The following PTPRO variants were observed in gnomAD, a reference collection of about 807,000 sequenced individuals.
PTPRO encodes the protein protein tyrosine phosphatase receptor type O, also known as receptor-type tyrosine-protein phosphatase O.
PTPRO carries 62 observed loss-of-function variants against 145.2 expected under a neutral mutation model. The observed-to-expected ratio is 0.43, with a 90% CI of 0.35 to 0.53. PTPRO has a LOEUF of 0.53. Ranked by LOEUF, PTPRO falls within the 20% of genes least tolerant of loss-of-function variation. The pLI, the probability that PTPRO is intolerant of heterozygous loss-of-function variation, is 0.01. For synonymous variants in PTPRO, 565 were observed against 514.7 expected, an observed-to-expected ratio of 1.10 and a Z score of -1.32; for missense variants, 1,345 against 1,482.7, an observed-to-expected ratio of 0.91 and a Z score of 1.53.
intron 1 of PTPRO, among the ~76,000 whole-genome samples, chr12:15,384,948 A>G (rs1047818560): frequency 6.6e-6 from 1 of 152,154 alleles, no homozygotes; most frequent in African/African-American, 2.4e-5. Context: ...AGATAAGAAA[A>G]CTGTAGTTAG....
chr12:15,395,627 A>C (rs1401157486), intron 1 of PTPRO, among the ~76,000 whole-genome samples: 3 of 152,104 alleles, frequency 2.0e-5, no homozygotes, highest in Non-Finnish European at 4.4e-5. Context: ...TGGTGGCTTA[A>C]TGTAGTAAAT....
At chr12:15,469,726 T>G (rs1014421971) in intron 1 of PTPRO, among the ~76,000 whole-genome samples, 2 of 127,376 alleles carry the variant, frequency 1.6e-5, no homozygotes, top group East Asian at 4.6e-4. Flanking sequence ...AAAGTCAGAA[T>G]AGCTGTTGAA....
At chr12:15,489,789 A>T (rs1472974625) in intron 2 of PTPRO, among the ~76,000 whole-genome samples, 1 of 152,178 alleles carries the variant, frequency 6.6e-6, no homozygotes, top group African/African-American at 2.4e-5. Context: ...TGAAAGAATT[A>T]TGTGAAAGAG....
rs751503557 is a variant in PTPRO, at chr12:15,501,672, C to A, written c.714C>A (p.Asn238Lys). 1.2e-6 allele frequency: 2 copies of A among 1,613,860 alleles called. No individual in the cohort carries two copies. Among genetic ancestry groups the A allele is most frequent in the African/African-American group, 2.7e-5 (2 of 74,898 alleles). Residue 238 changes from asparagine to lysine, a missense_variant, in exon 5 of 27, where the codon AAC becomes AAA. By Grantham distance (94) the Asn-to-Lys change is moderately conservative (BLOSUM62 0). Around this residue, in one of 3 missense-constraint regions of PTPRO, gnomAD observed 1,130 missense variants for 1,214.7 expected, o/e 0.93. Coordinates refer to ENST00000281171, the MANE Select transcript of PTPRO (RefSeq NM_030667.3). ...ISVRIVNLNK[N>K]NWEEQSGNFP... The stretch of plus-strand genomic sequence containing the variant: ...TTCGTATCGTAAACTTGAACAAAAA[C>A]AACTGGGAAGAACAGAGTGGCAATT...
intron 1 of PTPRO, among the ~76,000 whole-genome samples, chr12:15,423,058 T>C (rs912875085): frequency 2.6e-5 from 4 of 152,144 alleles, no homozygotes; most frequent in East Asian, 1.9e-4. Flanking sequence ...AAAGAGAAAA[T>C]ATTTTACATT....
chr12:15,503,979 A>G lies in PTPRO; in HGVS notation c.1177A>G (p.Lys393Glu). The G allele has an allele frequency of 6.2e-7, 1 of 1,605,870 alleles. No individual in the cohort carries two copies. The highest frequency in any genetic ancestry group is 8.5e-7 in the Non-Finnish European group (1 of 1,172,692). The change falls in exon 6 of 27, where the codon AAA becomes GAA. Residue 393 changes from lysine to glutamate, a missense_variant. Lys to Glu is a moderately conservative substitution (Grantham distance 56, BLOSUM62 1). Coordinates refer to ENST00000281171, the MANE Select transcript of PTPRO (RefSeq NM_030667.3). ...TGTTGCAGAACTGAAGGAACCTGGG[A>G]AATATAAGTTATCTGTGACAACCTT... is the stretch of plus-strand genomic sequence containing the variant. ...EFVAELKEPG[K>E]YKLSVTTFSS...
chr12:15,424,760 G>A (rs1210934425), intron 1 of PTPRO, among the ~76,000 whole-genome samples: 2 of 152,008 alleles, frequency 1.3e-5, no homozygotes, highest in African/African-American at 4.8e-5. Flanking sequence ...GCCATCTCAA[G>A]CAGAGGAGAC....
chr12:15,528,282 C>A (rs1358754682), intron 12 of PTPRO, among the ~76,000 whole-genome samples: 4 of 150,210 alleles, frequency 2.7e-5, no homozygotes, highest in South Asian at 2.1e-4. Context: ...TTTGGGAGGC[C>A]AAGGCGGGCA....
chr12:15,513,018 GAAGA>G (rs763064619), intron 7 of PTPRO, among the ~76,000 whole-genome samples: 5 of 143,722 alleles, frequency 3.5e-5, no homozygotes, highest in Admixed American at 7.1e-5. Flanking sequence ...AAAGAAAAGA[GAAGA>G]AAGAAAGAAA....
At chr12:15,361,994 A>G (rs893602636) in intron 1 of PTPRO, among the ~76,000 whole-genome samples, 1 of 152,168 alleles carries the variant, frequency 6.6e-6, no homozygotes, top group Non-Finnish European at 1.5e-5. Context: ...CTGTACATGA[A>G]CTACAGTGTC....
At chr12:15,472,701 T>C (rs956912255) in intron 1 of PTPRO, among the ~76,000 whole-genome samples, 7 of 152,192 alleles carry the variant, frequency 4.6e-5, no homozygotes, top group Admixed American at 3.9e-4. Flanking sequence ...TGGATGCAAA[T>C]CTTGGAAGTC....
At chr12:15,579,670 G>T (rs1033720272) in intron 20 of PTPRO, among the ~76,000 whole-genome samples, 9 of 152,180 alleles carry the variant, frequency 5.9e-5, no homozygotes, top group African/African-American at 2.2e-4. Context: ...TCTCCTTAAA[G>T]TAGTGAACTC....
At chr12:15,542,054 T>C (rs1406509905) in intron 12 of PTPRO, among the ~76,000 whole-genome samples, 2 of 152,096 alleles carry the variant, frequency 1.3e-5, no homozygotes, top group Non-Finnish European at 2.9e-5. Context: ...GGGTTAGGGT[T>C]TCAGCATATG....
chr12:15,533,040 C>G (rs984501673), intron 12 of PTPRO, among the ~76,000 whole-genome samples: 1 of 152,068 alleles, frequency 6.6e-6, no homozygotes, highest in Non-Finnish European at 1.5e-5. Context: ...ACATCATGGT[C>G]GAAGGTGCCT....
At chr12:15,513,222 AAAGAAAAG>A (rs1942503430) in intron 7 of PTPRO, among the ~76,000 whole-genome samples, 2 of 124,424 alleles carry the variant, frequency 1.6e-5, no homozygotes, top group Non-Finnish European at 3.3e-5. Flanking sequence ...AGAAAGAAAG[AAAGAAAAG>A]AAAGAAAGAG....
chr12:15,433,135 G>A (rs1190647698), intron 1 of PTPRO, among the ~76,000 whole-genome samples: 1 of 148,272 alleles, frequency 6.7e-6, no homozygotes, highest in African/African-American at 2.5e-5. Context: ...GGATGGTACT[G>A]CCTAGGTTGT....
chr12:15,458,996 C>A (rs1030241532), intron 1 of PTPRO, among the ~76,000 whole-genome samples: 15 of 152,102 alleles, frequency 9.9e-5, no homozygotes, highest in African/African-American at 2.9e-4. Flanking sequence ...CACCTATCAG[C>A]CTGACCAGAG....
chr12:15,466,911 G>T (rs1283692567), intron 1 of PTPRO, among the ~76,000 whole-genome samples: 1 of 152,110 alleles, frequency 6.6e-6, no homozygotes, highest in Non-Finnish European at 1.5e-5. Flanking sequence ...TGAAATGCAG[G>T]GAGTGTAGAA....
chr12:15,547,168 C>G lies in PTPRO; in HGVS notation c.2304+460C>G, dbSNP rs568065518. On this transcript the variant is annotated intron_variant, in intron 13 of 26. Coordinates refer to ENST00000281171, the MANE Select transcript of PTPRO (RefSeq NM_030667.3). ...AAAATATAAGTACCACAAGACAGGT[C>G]CATTCGACCAAGAGAATTTAAAAGA... is the stretch of plus-strand genomic sequence containing the variant. Among the ~76,000 whole-genome samples the G allele has an allele frequency of 1.7e-4, 26 of 152,226 alleles. 1 individual carries two copies. The highest frequency in any genetic ancestry group is 6.0e-4 in the African/African-American group (25 of 41,546).
Sources: allele counts gnomAD v4.1 joint callset (sites outside exome capture counted in the v4.1 genomes callset), GRCh38; gene constraint gnomAD v4.1.1; regional missense constraint gnomAD v4.1.1; transcripts MANE v1.5; gene names NCBI Gene and HGNC (gene_info 2026-07-23, HGNC 2026-07-21).